The following RBFOX1 variants were observed in gnomAD, a reference collection of about 807,000 sequenced individuals.
The protein encoded by RBFOX1 is RNA binding fox-1 homolog 1.
RBFOX1 carries 8 observed loss-of-function variants against 57.7 expected under a neutral mutation model. That is an observed-to-expected ratio of 0.14 (90% CI 0.08 to 0.25). The LOEUF is 0.25. RBFOX1 is among the 10% of genes least tolerant of loss of function. The pLI is 1.00. For synonymous variants in RBFOX1, 326 were observed against 222.4 expected (o/e 1.47, Z -4.15); for missense variants, 611 against 548.5 (o/e 1.11, Z -1.14).
At chr16:5,921,989 A>G (rs1330082796) in intron 4 of RBFOX1, among the ~76,000 whole-genome samples, 2 of 114,086 alleles carry the variant, frequency 1.8e-5, no homozygotes, top group South Asian at 2.3e-4. Flanking sequence ...CCATCTTCAC[A>G]AAAAAAAAAC....
intron 2 of RBFOX1, among the ~76,000 whole-genome samples, chr16:6,572,882 G>A (rs1056798802): frequency 6.6e-6 from 1 of 152,000 alleles, no homozygotes; most frequent in Non-Finnish European, 1.5e-5. Flanking sequence ...GAGTGATCCC[G>A]CATGCCCAGC....
At chr16:6,723,772 A>AG (rs896512546) in intron 3 of RBFOX1, 6 of 152,008 alleles carry the variant, frequency 3.9e-5, no homozygotes, top group African/African-American at 1.2e-4. Context: ...CCTGGTGATG[A>AG]GGCTCCCCTA....
chr16:6,664,020 T>G (rs1341051849), intron 3 of RBFOX1, among the ~76,000 whole-genome samples: 1 of 152,330 alleles, frequency 6.6e-6, no homozygotes, highest in East Asian at 1.9e-4. Flanking sequence ...GAATGAAATC[T>G]GTGTCACATG....
At chr16:6,723,337 A>G (rs1019072115) in intron 3 of RBFOX1, among the ~76,000 whole-genome samples, 7 of 152,178 alleles carry the variant, frequency 4.6e-5, no homozygotes, top group African/African-American at 9.7e-5. Flanking sequence ...TTCACCGAGC[A>G]TAGGCAGGTT....
intron 3 of RBFOX1, among the ~76,000 whole-genome samples, chr16:6,939,036 C>T (rs1054222240): frequency 2.6e-5 from 4 of 152,124 alleles, no homozygotes; most frequent in South Asian, 4.1e-4. Flanking sequence ...TGACATGTGA[C>T]GAACTCTGGA....
At chr16:5,834,316 T>C (rs2056380863) in intron 3 of RBFOX1, among the ~76,000 whole-genome samples, 1 of 152,208 alleles carries the variant, frequency 6.6e-6, no homozygotes, top group Non-Finnish European at 1.5e-5. Context: ...TGGGTACCTG[T>C]AGCTTAGATT....
intron 1 of RBFOX1, among the ~76,000 whole-genome samples, chr16:5,355,374 G>A (rs1368301039): frequency 1.3e-5 from 2 of 152,164 alleles, no homozygotes; most frequent in Non-Finnish European, 2.9e-5. Flanking sequence ...TGGAGGACAC[G>A]TGTATGTGCC....
chr16:6,514,300 G>A lies in RBFOX1; in HGVS notation c.-63-140303G>A, dbSNP rs574242370. On this transcript the variant is annotated intron_variant, in intron 2 of 15. Coordinates refer to ENST00000550418, the MANE Select transcript of RBFOX1 (RefSeq NM_018723.4). ...CCACTTCATCTTACCATATTCATCT[G>A]AATCTGGCTTCCCGAGAGTCTCTGT... Among the ~76,000 whole-genome samples the A allele has an allele frequency of 3.3e-5, 5 of 152,250 alleles. No homozygotes were observed. In the East Asian group the frequency reaches 9.7e-4, roughly 29 times the overall value.
chr16:7,023,143 C>G (rs1011254538), intron 3 of RBFOX1, among the ~76,000 whole-genome samples: 1 of 152,020 alleles, frequency 6.6e-6, no homozygotes, highest in Non-Finnish European at 1.5e-5. Context: ...AAATAAAACA[C>G]ATAGTGGGAG....
chr16:6,901,115 C>T (rs576090133), intron 3 of RBFOX1, among the ~76,000 whole-genome samples: 7 of 152,258 alleles, frequency 4.6e-5, no homozygotes, highest in African/African-American at 7.2e-5. Flanking sequence ...AATTTCCTAT[C>T]GACAGGCTTT....
At chr16:5,729,332 A>G (rs866258866) in intron 3 of RBFOX1, among the ~76,000 whole-genome samples, 3 of 151,302 alleles carry the variant, frequency 2.0e-5, no homozygotes, top group Non-Finnish European at 2.9e-5. Context: ...AGGCTGCAAC[A>G]CTGGAAAGCA....
intron 3 of RBFOX1, among the ~76,000 whole-genome samples, chr16:6,706,560 C>A (rs1442274971): frequency 1.3e-5 from 2 of 152,144 alleles, no homozygotes; most frequent in Non-Finnish European, 2.9e-5. Context: ...AACAGATTTA[C>A]CTGTTTCTGG....
chr16:6,823,178 C>G (rs1362827208), intron 3 of RBFOX1, among the ~76,000 whole-genome samples: 1 of 152,068 alleles, frequency 6.6e-6, no homozygotes, highest in South Asian at 2.1e-4. Context: ...GATTAGGGAG[C>G]CTGTGTTCCT....
chr16:7,403,828 G>C (rs1597554180), intron 4 of RBFOX1, among the ~76,000 whole-genome samples: 1 of 151,722 alleles, frequency 6.6e-6, no homozygotes, highest in African/African-American at 2.4e-5. Flanking sequence ...TTATAGGCGT[G>C]AGCCACCATG....
chr16:7,691,384 G>A (rs577404954), intron 14 of RBFOX1, among the ~76,000 whole-genome samples: 2 of 151,446 alleles, frequency 1.3e-5, no homozygotes, highest in African/African-American at 2.4e-5. Flanking sequence ...AAAAAAAGTG[G>A]GGGAGAGAAA....
chr16:6,338,888 G>A (rs553515014), intron 2 of RBFOX1, among the ~76,000 whole-genome samples: 1 of 152,130 alleles, frequency 6.6e-6, no homozygotes, highest in African/African-American at 2.4e-5. Flanking sequence ...TTCATTGAAT[G>A]AATTAGTCAA....
rs1273167632 is a variant in RBFOX1, at chr16:6,939,455, T to C, written c.-15-112602T>C. Among the ~76,000 whole-genome samples the C allele has an allele frequency of 2.0e-5, 3 of 151,968 alleles. No homozygotes were observed. The East Asian group carries it at 5.8e-4, about 29-fold the overall frequency. ...AGACATCTGTTTTTATCTGGGTTAATGAATGTGCTCTGCTTTGCACAGAAT... is the reference window on the plus strand; with the variant it reads ...AGACATCTGTTTTTATCTGGGTTAACGAATGTGCTCTGCTTTGCACAGAAT... On this transcript the variant is annotated intron_variant, in intron 3 of 15. Coordinates refer to ENST00000550418, the MANE Select transcript of RBFOX1 (RefSeq NM_018723.4).
chr16:6,563,251 A>C (rs969056990), intron 2 of RBFOX1, among the ~76,000 whole-genome samples: 1 of 152,182 alleles, frequency 6.6e-6, no homozygotes, highest in Non-Finnish European at 1.5e-5. Flanking sequence ...TGCAACACGC[A>C]TGAGATTTAG....
At chr16:6,367,772 A>G (rs1256405487) in intron 2 of RBFOX1, among the ~76,000 whole-genome samples, 2 of 151,676 alleles carry the variant, frequency 1.3e-5, no homozygotes, top group Non-Finnish European at 2.9e-5. Context: ...AATAGGGAAA[A>G]TGATGCCAGG....
Sources: allele counts gnomAD v4.1 joint callset (sites outside exome capture counted in the v4.1 genomes callset), GRCh38; gene constraint gnomAD v4.1.1; transcripts MANE v1.5; gene names NCBI Gene and HGNC (gene_info 2026-07-23, HGNC 2026-07-21).